The following AEBP2 variants were observed in gnomAD, a reference collection of about 807,000 sequenced individuals.
AEBP2 encodes the protein AE binding protein 2.
A neutral mutation model predicts 50.8 loss-of-function variants in AEBP2; 10 were observed. The observed-to-expected ratio is 0.20, with a 90% confidence interval of 0.12 to 0.33. The LOEUF is 0.33. AEBP2 is among the 10% of genes least tolerant of loss of function. The pLI is 1.00. For synonymous variants in AEBP2, 296 were observed against 261.3 expected (o/e 1.13, Z -1.28); for missense variants, 570 against 688.0 (o/e 0.83, Z 1.92).
At chr12:19,437,584 C>T (rs1425944001), upstream of AEBP2, among the ~76,000 whole-genome samples, 1 of 152,172 alleles carries the variant, frequency 6.6e-6, no homozygotes, top group African/African-American at 2.4e-5. Flanking sequence ...CTCAAGTGAG[C>T]CTCCTACTTT....
chr12:19,450,369 C>T (rs780594944), intron 1 of AEBP2, among the ~76,000 whole-genome samples: 4 of 151,354 alleles, frequency 2.6e-5, no homozygotes, highest in Non-Finnish European at 5.9e-5. Context: ...AGCTAACTGA[C>T]GTGTAGGAAT....
intron 1 of AEBP2, chr12:19,440,701 C>T (rs1286558260): frequency 3.9e-6 from 6 of 1,533,356 alleles, no homozygotes; most frequent in African/African-American, 1.4e-5. Flanking sequence ...AGAAGAGGGC[C>T]TTGATGTACA....
chr12:19,505,577 A>T lies in AEBP2; in HGVS notation c.1299+5356A>T, dbSNP rs1016330580. Among the ~76,000 whole-genome samples, 2 of 152,236 alleles carry T rather than the reference A, an allele frequency of 1.3e-5. 1 individual carries two copies. Among genetic ancestry groups the T allele is most frequent in the South Asian group, 4.1e-4 (2 of 4,834 alleles). On this transcript the variant is annotated intron_variant, in intron 5 of 7. Transcript: ENST00000266508. ...AGCTAGAGGGAAGATGAGGTGTAAC[A>T]TCTTGAGGTGGGACAACAGTGAGTA...
At chr12:19,483,145 C>T (rs1040198631) in intron 3 of AEBP2, among the ~76,000 whole-genome samples, 3 of 152,144 alleles carry the variant, frequency 2.0e-5, no homozygotes, top group African/African-American at 7.2e-5. Flanking sequence ...GCTTCTTTTG[C>T]CCTGTTACCC....
chr12:19,436,485 A>C (rs761158994), upstream of AEBP2, among the ~76,000 whole-genome samples: 11 of 152,010 alleles, frequency 7.2e-5, no homozygotes, highest in Admixed American at 6.6e-5. Flanking sequence ...GACTTACCCC[A>C]AATTCTTTCT....
chr12:19,423,709 C>T (rs1239315494), intron 1 of AEBP2, among the ~76,000 whole-genome samples: 1 of 152,086 alleles, frequency 6.6e-6, no homozygotes, highest in Admixed American at 6.6e-5. Flanking sequence ...GGCACCATGG[C>T]TTACGCCTGT....
intron 6 of AEBP2, 101 bp downstream of exon 6, chr12:19,512,566 T>C: frequency 1.2e-6 from 1 of 824,712 alleles, no homozygotes; most frequent in Non-Finnish European, 1.9e-6. Flanking sequence ...TAAAAAGAAA[T>C]TACATTTTAC....
intron 5 of AEBP2, among the ~76,000 whole-genome samples, chr12:19,501,496 G>A (rs1344008461): frequency 6.6e-6 from 1 of 152,064 alleles, no homozygotes; most frequent in East Asian, 1.9e-4. Context: ...AATTAGCCAG[G>A]CATAGTGGTG....
chr12:19,478,151 T>C (rs1393738664), intron 3 of AEBP2, among the ~76,000 whole-genome samples: 1 of 152,220 alleles, frequency 6.6e-6, no homozygotes, highest in Non-Finnish European at 1.5e-5. Context: ...TTACCTTTTG[T>C]ATTGTTGTTG....
chr12:19,465,265 C>T (rs911267267), intron 2 of AEBP2, among the ~76,000 whole-genome samples: 1 of 151,798 alleles, frequency 6.6e-6, no homozygotes, highest in African/African-American at 2.4e-5. Flanking sequence ...ATAGTTGCGT[C>T]CCCCTGTAGT....
chr12:19,442,101 A>C, intron 1 of AEBP2, among the ~76,000 whole-genome samples: 1 of 152,276 alleles, frequency 6.6e-6, no homozygotes, highest in South Asian at 2.1e-4. Flanking sequence ...TGAAGAGTTA[A>C]AATAATTCGC....
intron 1 of AEBP2, among the ~76,000 whole-genome samples, chr12:19,454,133 C>T (rs1224331030): frequency 1.3e-5 from 2 of 152,064 alleles, no homozygotes; most frequent in Non-Finnish European, 2.9e-5. Flanking sequence ...TCAAGCCGTT[C>T]GCCGCCTCTG....
intron 5 of AEBP2, among the ~76,000 whole-genome samples, chr12:19,508,516 A>G (rs1303495325): frequency 1.3e-5 from 2 of 152,340 alleles, no homozygotes; most frequent in African/African-American, 4.8e-5. Context: ...TTAAAACACT[A>G]AAGTTCTAAT....
upstream of AEBP2, among the ~76,000 whole-genome samples, chr12:19,436,604 G>T (rs1214922015): frequency 6.7e-6 from 1 of 149,932 alleles, no homozygotes; most frequent in Non-Finnish European, 1.5e-5. Flanking sequence ...TTTTGGGGGG[G>T]GGATAAGGTC....
intron 3 of AEBP2, among the ~76,000 whole-genome samples, chr12:19,484,791 G>T (rs1424744631): frequency 2.6e-5 from 4 of 151,548 alleles, no homozygotes; most frequent in African/African-American, 9.7e-5. Context: ...GGTCTCTGAA[G>T]AAAAAAATGA....
rs77264671 is a variant in AEBP2 at position 19,494,976 on chromosome 12, G to A, written c.1174+990G>A. 2.4e-3 allele frequency among the ~76,000 whole-genome samples: 359 copies of A among 151,412 alleles called. 1 individual carries two copies. Among genetic ancestry groups the A allele is most frequent in the African/African-American group, 7.5e-3 (310 of 41,218 alleles). On this transcript the variant is annotated intron_variant, in intron 4 of 7. Transcript: ENST00000266508. ...GGCTGGAGCGCAGTGGTGTGATCTC[G>A]GCTCACTGCAACCTCCGACTTCCGG...
At chr12:19,468,126 T>TTGTGTGTGTG (rs10643072) in intron 2 of AEBP2, among the ~76,000 whole-genome samples, 4,870 of 143,980 alleles carry the variant, frequency 0.034, 170 homozygotes, top group African/African-American at 0.082. Flanking sequence ...CTGCCTGACT[T>TTGTGTGTGTG]TGTGTGTGTG....
chr12:19,500,214 A>G lies in AEBP2; in HGVS notation c.1292A>G (p.His431Arg), dbSNP rs1949046929. ...SLGKGHSVVF[H>R]STVIAKRKED... Reference sequence around the variant, plus strand: ...GGGAAGGGACACAGTGTTGTTTTTCATAGTACTGTAAGTATTCTTTTATTT... The same window carrying G: ...GGGAAGGGACACAGTGTTGTTTTTCGTAGTACTGTAAGTATTCTTTTATTT... The change falls in exon 5 of 8, where the codon CAT becomes CGT. Residue 431 changes from histidine to arginine, a missense_variant. Transcript: ENST00000266508. 1 of 1,534,454 alleles carries G rather than the reference A, an allele frequency of 6.5e-7. No homozygotes were observed.
chr12:19,437,881 T>C (rs1377390666), upstream of AEBP2, among the ~76,000 whole-genome samples: 2 of 152,204 alleles, frequency 1.3e-5, no homozygotes, highest in Non-Finnish European at 2.9e-5. Context: ...TCACGGTATA[T>C]GACGACTTTC....
Sources: allele counts gnomAD v4.1 joint callset (sites outside exome capture counted in the v4.1 genomes callset), GRCh38; gene constraint gnomAD v4.1.1; transcripts MANE v1.5; gene names NCBI Gene and HGNC (gene_info 2026-07-23, HGNC 2026-07-21).